The following TAFA4 variants were observed in gnomAD, a reference collection of about 807,000 sequenced individuals.
TAFA4 encodes TAFA chemokine like family member 4, also known as chemokine-like protein TAFA-4.
TAFA4 carries 20 observed loss-of-function variants against 21.1 expected under a neutral mutation model. The ratio of observed to expected loss-of-function variants is 0.95; its 90% CI spans 0.67 to 1.38. TAFA4 has a LOEUF of 1.38. Among genes scored for constraint, TAFA4 ranks in the 40% most tolerant of loss-of-function variants. The pLI is 0.00. For synonymous variants in TAFA4, 71 were observed against 67.4 expected, an observed-to-expected ratio of 1.05 and a Z score of -0.26; for missense variants, 211 against 180.9, an observed-to-expected ratio of 1.17 and a Z score of -0.95.
At chr3:68,900,678 G>A (rs1027591011) in intron 1 of TAFA4, among the ~76,000 whole-genome samples, 1 of 152,162 alleles carries the variant, frequency 6.6e-6, no homozygotes, top group African/African-American at 2.4e-5. Flanking sequence ...TCTTCTCTCA[G>A]TATTGTTTCT....
chr3:68,775,420 G>A (rs560245046), intron 3 of TAFA4, among the ~76,000 whole-genome samples: 11 of 152,222 alleles, frequency 7.2e-5, no homozygotes, highest in Non-Finnish European at 1.3e-4. Context: ...ACATACAAGG[G>A]AAAATTCAGC....
At chr3:68,859,563 A>T (rs77233424) in intron 3 of TAFA4, among the ~76,000 whole-genome samples, 16,641 of 152,172 alleles carry the variant, frequency 0.11, 1,218 homozygotes, top group African/African-American at 0.21. Context: ...AAATGCTAAT[A>T]ATATTTCGAG....
intron 3 of TAFA4, among the ~76,000 whole-genome samples, chr3:68,853,666 C>T (rs1015854118): frequency 6.6e-6 from 1 of 152,084 alleles, no homozygotes; most frequent in Non-Finnish European, 1.5e-5. Context: ...ATTAATTATT[C>T]ATTTCAATGT....
At chr3:68,749,042 C>T (rs1335252646) in intron 4 of TAFA4, among the ~76,000 whole-genome samples, 1 of 152,204 alleles carries the variant, frequency 6.6e-6, no homozygotes, top group Non-Finnish European at 1.5e-5. Context: ...TGCTTACCAG[C>T]TGAATAGCTG....
At chr3:68,786,969 A>G (rs1431604901) in intron 3 of TAFA4, among the ~76,000 whole-genome samples, 2 of 152,218 alleles carry the variant, frequency 1.3e-5, no homozygotes, top group Non-Finnish European at 2.9e-5. Context: ...AAAAAATAAA[A>G]AGAGTCAGGA....
At chr3:68,737,947 A>G (rs1408020505) in intron 5 of TAFA4, among the ~76,000 whole-genome samples, 5 of 152,330 alleles carry the variant, frequency 3.3e-5, no homozygotes, top group African/African-American at 1.2e-4. Context: ...CATTCAAGAA[A>G]TAGTTACCAA....
chr3:68,774,180 G>A (rs1043844520), intron 3 of TAFA4, among the ~76,000 whole-genome samples: 11 of 152,078 alleles, frequency 7.2e-5, no homozygotes, highest in Non-Finnish European at 1.5e-4. Context: ...GTTTACTCCT[G>A]GAAATACCTG....
chr3:68,736,637 G>A lies in TAFA4; in HGVS notation c.411+2438C>T, dbSNP rs150754063. On this transcript the variant is annotated intron_variant, in intron 5 of 5. Transcript: ENST00000295569. ...ACAGTTTAGTTAATACGTCCTCTAG[G>A]GAGACAATTGCTCTGCTTTTCTAGG... Among the ~76,000 whole-genome samples, 633 of 152,082 alleles carry A rather than the reference G, an allele frequency of 4.2e-3. 5 individuals carry two copies. Among genetic ancestry groups the A allele is most frequent in the African/African-American group, 0.015 (608 of 41,502 alleles).
intron 3 of TAFA4, among the ~76,000 whole-genome samples, chr3:68,874,783 T>TACACAC (rs10574878): frequency 6.0e-4 from 90 of 149,638 alleles, no homozygotes; most frequent in African/African-American, 2.1e-3. Flanking sequence ...ACCCTTTCTT[T>TACACAC]ACACACACAC....
chr3:68,855,904 C>A (rs1471513888), intron 3 of TAFA4, among the ~76,000 whole-genome samples: 1 of 152,090 alleles, frequency 6.6e-6, no homozygotes, highest in Admixed American at 6.6e-5. Flanking sequence ...AAGCTCACTG[C>A]CGTGTACCTG....
chr3:68,736,034 A>C (rs190218924), intron 5 of TAFA4, among the ~76,000 whole-genome samples: 1 of 152,234 alleles, frequency 6.6e-6, no homozygotes, highest in East Asian at 1.9e-4. Flanking sequence ...TACTCTAAAG[A>C]CATAGCTTTT....
Position 68,732,950 on chromosome 3 carries a change from C to CAATGA in TAFA4, c.*187_*191dup. On this transcript the variant is annotated 3_prime_UTR_variant, in exon 6 of 6. Transcript: ENST00000295569. ...TGGGTGGTGGCTTGTGGTTATAATT[C>CAATGA]AATGAAATAAAATCACGAAGCAGAG... 3 of 627,834 alleles carry CAATGA rather than the reference C, an allele frequency of 4.8e-6. No homozygotes were observed. The highest frequency in any genetic ancestry group is 8.0e-6 in the Non-Finnish European group (3 of 374,990). 38.9% of individuals were successfully genotyped at this position (627,834 alleles called of 1,614,324 possible). A position where few individuals can be genotyped will look rare whatever the true frequency, so the allele number is the denominator to read the frequency against.
chr3:68,896,196 G>T (rs954384890), intron 1 of TAFA4, among the ~76,000 whole-genome samples: 4 of 152,180 alleles, frequency 2.6e-5, no homozygotes, highest in African/African-American at 9.7e-5. Context: ...GCAGAAGCTT[G>T]TAGGCCATAG....
intron 1 of TAFA4, among the ~76,000 whole-genome samples, chr3:68,900,280 T>C (rs199956451): frequency 9.7e-3 from 350 of 36,104 alleles, no homozygotes; most frequent in Admixed American, 0.018. Context: ...ATAATAATAA[T>C]AACAATAATA....
At chr3:68,737,071 G>A (rs779689092) in intron 5 of TAFA4, among the ~76,000 whole-genome samples, 7 of 152,014 alleles carry the variant, frequency 4.6e-5, no homozygotes, top group African/African-American at 1.2e-4. Context: ...ATAGAAAGCC[G>A]TTCTACCAAG....
chr3:68,825,533 T>TTTCTGGGGCTTTCTGGGGCACAC (rs1275242010), intron 3 of TAFA4, among the ~76,000 whole-genome samples: 2,590 of 152,306 alleles, frequency 0.017, 69 homozygotes, highest in African/African-American at 0.054. Flanking sequence ...GGGCCTTCAC[T>TTTCTGGGGCTTTCTGGGGCACAC]AGAGTGTGTG....
intron 3 of TAFA4, among the ~76,000 whole-genome samples, chr3:68,840,995 ACAT>A (rs1704648978): frequency 6.6e-6 from 1 of 152,228 alleles, no homozygotes; most frequent in African/African-American, 2.4e-5. Flanking sequence ...CAAAAATCTA[ACAT>A]CATTAAAAGG....
At chr3:68,879,709 T>C (rs2089594406) in intron 3 of TAFA4, among the ~76,000 whole-genome samples, 1 of 152,192 alleles carries the variant, frequency 6.6e-6, no homozygotes. Flanking sequence ...AAAAATTATC[T>C]TGAGCCTTAA....
At chr3:68,880,478 T>C (rs1378566862) in intron 3 of TAFA4, among the ~76,000 whole-genome samples, 2 of 152,120 alleles carry the variant, frequency 1.3e-5, no homozygotes, top group Admixed American at 6.5e-5. Flanking sequence ...CTGGGATTCC[T>C]TGAGAAAAAC....
Sources: gnomAD v4.1 joint callset for allele counts (sites outside exome capture counted in the v4.1 genomes callset) on GRCh38, gnomAD v4.1.1 for gene constraint, MANE v1.5 for transcripts, NCBI Gene and HGNC (gene_info 2026-07-23, HGNC 2026-07-21) for gene names.